The following VWC2 variants were observed in gnomAD, a reference collection of about 807,000 sequenced individuals.
VWC2 encodes von Willebrand factor C domain containing 2.
VWC2 carries 14 observed loss-of-function variants against 29.8 expected under a neutral mutation model. The observed-to-expected ratio is 0.47, with a 90% CI of 0.31 to 0.74. The LOEUF (loss-of-function observed/expected upper bound fraction) is 0.74. Ranked by LOEUF, VWC2 falls within the 30% of genes least tolerant of loss-of-function variation. The probability of loss-of-function intolerance (pLI) is 0.05; values close to 1 mark genes in which losing one functional copy is unlikely to be tolerated. For synonymous variants in VWC2, 213 were observed against 199.0 expected, an observed-to-expected ratio of 1.07 and a Z score of -0.59; for missense variants, 457 against 459.8, an observed-to-expected ratio of 0.99 and a Z score of 0.05.
intron 3 of VWC2, among the ~76,000 whole-genome samples, chr7:49,827,848 C>T (rs1486772700): frequency 6.6e-6 from 1 of 152,088 alleles, no homozygotes; most frequent in Non-Finnish European, 1.5e-5. Flanking sequence ...ACTTACTGGT[C>T]TTTGTTTTTT....
intron 3 of VWC2, among the ~76,000 whole-genome samples, chr7:49,847,157 G>T (rs1789974340): frequency 6.6e-5 from 10 of 151,432 alleles, no homozygotes; most frequent in Admixed American, 2.6e-4. Flanking sequence ...TCACTGCCAG[G>T]ATATAAGAAT....
intron 2 of VWC2, among the ~76,000 whole-genome samples, chr7:49,799,049 G>T (rs571447205): frequency 6.6e-6 from 1 of 152,340 alleles, no homozygotes; most frequent in East Asian, 1.9e-4. Context: ...GAGCATGGCG[G>T]AGTGGGCTCA....
At chr7:49,873,359 G>C (rs1736313249) in intron 3 of VWC2, among the ~76,000 whole-genome samples, 1 of 152,162 alleles carries the variant, frequency 6.6e-6, no homozygotes, top group South Asian at 2.1e-4. Flanking sequence ...AATGGAGGGA[G>C]AGCAGGAGCT....
At chr7:49,881,508 T>G (rs2128727257) in intron 3 of VWC2, among the ~76,000 whole-genome samples, 1 of 152,306 alleles carries the variant, frequency 6.6e-6, no homozygotes, top group Admixed American at 6.5e-5. Flanking sequence ...CTCTTTTGAC[T>G]GTGGCCTTAC....
At position 49,920,807 on chromosome 7, in the gene VWC2, A is replaced by G. The variant is rs1357787115; in HGVS notation, c.*8622A>G. 2 of 152,230 alleles carry G rather than the reference A, an allele frequency of 1.3e-5. No individual in the cohort carries two copies. The highest frequency in any genetic ancestry group is 2.9e-5 in the Non-Finnish European group (2 of 68,034). 9.4% of individuals were successfully genotyped at this position (152,230 alleles called of 1,614,324 possible). On this transcript the variant is annotated 3_prime_UTR_variant, in exon 4 of 4. Transcript: ENST00000340652. ...TAAAAAAAAAGTCATTTTAAATAAC[A>G]TCATTTACCAAGTCTGTGTGATGCT...
At chr7:49,818,597 G>A (rs1253123566) in intron 3 of VWC2, among the ~76,000 whole-genome samples, 3 of 151,898 alleles carry the variant, frequency 2.0e-5, no homozygotes, top group Admixed American at 2.0e-4. Flanking sequence ...GCAGGACCCC[G>A]AGAGAGAGTA....
chr7:49,877,481 A>AAAATATACAT lies in VWC2; in HGVS notation c.827-34552_827-34551insAATATACATA. ...CTGTCTCAAAAAAAAAAAAAAAAAA[A>AAAATATACAT]ATATATATATATATATATATATATA... On this transcript the variant is annotated intron_variant, in intron 3 of 3. Coordinates refer to ENST00000340652, the MANE Select transcript of VWC2 (RefSeq NM_198570.5). 7.2e-3 allele frequency among the ~76,000 whole-genome samples: 91 copies of AAAATATACAT among 12,726 alleles called. 24 individuals are homozygous for AAAATATACAT. The highest frequency in any genetic ancestry group is 0.024 in the African/African-American group (85 of 3,602). The allele number at this position is 12,726 out of a possible 152,430, so 8.3% of individuals were successfully genotyped here.
In VWC2 at chr7:49,921,128, T is replaced by A. The variant is rs1793998954; in HGVS notation, c.*8943T>A. On this transcript the variant is annotated 3_prime_UTR_variant, in exon 4 of 4. Transcript: ENST00000340652. ...ATCTGACAGATGGAGAACACTGTGCTTAGTGTTGAAGATACCAAAGGGAAT... is the reference window on the plus strand; with the variant it reads ...ATCTGACAGATGGAGAACACTGTGCATAGTGTTGAAGATACCAAAGGGAAT... 1 of 152,204 alleles carries A rather than the reference T, an allele frequency of 6.6e-6. No individual in the cohort carries two copies. The highest frequency in any genetic ancestry group is 2.4e-5 in the African/African-American group (1 of 41,436). The allele number at this position is 152,204 out of a possible 1,614,324, so 9.4% of individuals were successfully genotyped here.
At chr7:49,895,749 ATAGCATATAAATATAAAAATTAAG>A (rs1428523141) in intron 3 of VWC2, among the ~76,000 whole-genome samples, 3 of 152,024 alleles carry the variant, frequency 2.0e-5, no homozygotes, top group African/African-American at 7.3e-5. Flanking sequence ...CTTGTAATAT[ATAGCATATAAATATAAAAATTAAG>A]TAGCATATAA....
At chr7:49,908,105 A>T (rs1409946340) in intron 3 of VWC2, among the ~76,000 whole-genome samples, 2 of 152,200 alleles carry the variant, frequency 1.3e-5, no homozygotes, top group Non-Finnish European at 2.9e-5. Context: ...TCTTTCAGGG[A>T]CCACTGTCTG....
At position 49,918,331 on chromosome 7, in the gene VWC2, G is replaced by A. The variant is rs1178710089; in HGVS notation, c.*6146G>A. On this transcript the variant is annotated 3_prime_UTR_variant, in exon 4 of 4. Coordinates refer to ENST00000340652, the MANE Select transcript of VWC2 (RefSeq NM_198570.5). ...TTTGTGTTTAGGTCAGGGACCTCTA[G>A]AAAATAGACAGAAATTTCCAAAATG... 1 of 152,140 alleles carries A rather than the reference G, an allele frequency of 6.6e-6. No homozygotes were observed. The highest frequency in any genetic ancestry group is 1.5e-5 in the Non-Finnish European group (1 of 68,016). The allele number at this position is 152,140 out of a possible 1,614,324, so 9.4% of individuals were successfully genotyped here.
chr7:49,783,637 C>T (rs762145251), intron 2 of VWC2, among the ~76,000 whole-genome samples: 11 of 152,260 alleles, frequency 7.2e-5, no homozygotes, highest in East Asian at 1.9e-4. Flanking sequence ...CACTGGGGTG[C>T]GGCCAGGACA....
chr7:49,828,648 G>A (rs896109183), intron 3 of VWC2, among the ~76,000 whole-genome samples: 5 of 151,942 alleles, frequency 3.3e-5, no homozygotes, highest in African/African-American at 9.7e-5. Flanking sequence ...TATTTACCAT[G>A]TCTTTTATTT....
At chr7:49,864,617 T>C (rs185902505) in intron 3 of VWC2, among the ~76,000 whole-genome samples, 7 of 152,338 alleles carry the variant, frequency 4.6e-5, no homozygotes, top group Non-Finnish European at 8.8e-5. Context: ...TTTTCGAGCA[T>C]CATCTACTGC....
intron 3 of VWC2, among the ~76,000 whole-genome samples, chr7:49,881,943 T>A (rs1471310015): frequency 1.3e-5 from 2 of 152,102 alleles, no homozygotes; most frequent in African/African-American, 2.4e-5. Flanking sequence ...TTCCTTTTTT[T>A]AAATTTGTCT....
intron 2 of VWC2, among the ~76,000 whole-genome samples, chr7:49,795,467 C>G (rs1394104244): frequency 6.6e-6 from 1 of 152,150 alleles, no homozygotes; most frequent in Non-Finnish European, 1.5e-5. Context: ...TTCCACACAG[C>G]CTTCACACAC....
intron 3 of VWC2, among the ~76,000 whole-genome samples, chr7:49,814,258 C>T (rs775393382): frequency 6.6e-6 from 1 of 152,200 alleles, no homozygotes; most frequent in East Asian, 1.9e-4. Context: ...TTCTTCATCA[C>T]TTCCTTTACT....
intron 2 of VWC2, among the ~76,000 whole-genome samples, chr7:49,776,969 C>G (rs772382449): frequency 6.6e-6 from 1 of 152,234 alleles, no homozygotes; most frequent in Non-Finnish European, 1.5e-5. Flanking sequence ...AGGTTTTTAA[C>G]CCTTATACTC....
At chr7:49,798,108 G>A (rs1368605615) in intron 2 of VWC2, among the ~76,000 whole-genome samples, 2 of 152,248 alleles carry the variant, frequency 1.3e-5, no homozygotes, top group Non-Finnish European at 2.9e-5. Flanking sequence ...TAAATGATGT[G>A]CTCGGCATCT....
Sources: gnomAD v4.1 joint callset for allele counts (sites outside exome capture counted in the v4.1 genomes callset) on GRCh38, gnomAD v4.1.1 for gene constraint, MANE v1.5 for transcripts, NCBI Gene and HGNC (gene_info 2026-07-23, HGNC 2026-07-21) for gene names.